The following CTNND2 variants were observed in gnomAD, a reference collection of about 807,000 sequenced individuals.
The protein encoded by CTNND2 is catenin delta 2, also known as catenin delta-2.
In CTNND2, 22 loss-of-function variants were observed where a neutral mutation model predicts 144.4. The observed-to-expected ratio is 0.15, with a 90% confidence interval of 0.11 to 0.22. The LOEUF (loss-of-function observed/expected upper bound fraction) is 0.22, where lower values mean the gene tolerates loss of function less well. Ranked by LOEUF, CTNND2 falls within the 10% of genes least tolerant of loss-of-function variation. The pLI, the probability that CTNND2 is intolerant of heterozygous loss-of-function variation, is 1.00. For missense variants in CTNND2, 1,353 were observed against 1,618.8 expected (o/e 0.84, Z 2.82); for synonymous variants, 751 against 695.6 (o/e 1.08, Z -1.25).
At chr5:11,128,938 TATTA>T (rs1755070978) in intron 12 of CTNND2, among the ~76,000 whole-genome samples, 1 of 53,894 alleles carries the variant, frequency 1.9e-5, no homozygotes, top group African/African-American at 6.2e-5. Flanking sequence ...TAAATATATA[TATTA>T]TATATAATAT....
chr5:11,485,844 T>A (rs1460795691), intron 3 of CTNND2, among the ~76,000 whole-genome samples: 1 of 152,156 alleles, frequency 6.6e-6, no homozygotes, highest in South Asian at 2.1e-4. Context: ...TAATCTTTCA[T>A]TGAGAAAGGT....
Position 11,081,250 on chromosome 5 carries a change from T to A in CTNND2, c.2788+1446A>T, listed in dbSNP as rs61757072. The stretch of plus-strand genomic sequence containing the variant: ...AGAACAGATTTTTTGAGATTTATTA[T>A]GCAACAAGGTGACTACAGTTAATAA... On this transcript the variant is annotated intron_variant, in intron 16 of 21. Transcript: ENST00000304623. 1.1e-3 allele frequency among the ~76,000 whole-genome samples: 169 copies of A among 152,272 alleles called. 2 individuals carry two copies. Among genetic ancestry groups the A allele is most frequent in the African/African-American group, 3.8e-3 (158 of 41,548 alleles).
chr5:11,643,687 C>T (rs1782191703), intron 2 of CTNND2, among the ~76,000 whole-genome samples: 1 of 152,096 alleles, frequency 6.6e-6, no homozygotes, highest in African/African-American at 2.4e-5. Flanking sequence ...TCTTACATAA[C>T]TGTAATTTAT....
At chr5:11,542,852 A>AGGCT (rs1351238481) in intron 3 of CTNND2, among the ~76,000 whole-genome samples, 3 of 152,344 alleles carry the variant, frequency 2.0e-5, no homozygotes, top group African/African-American at 4.8e-5. Flanking sequence ...CAGGAAAGGG[A>AGGCT]GGCTACACTT....
chr5:11,031,354 G>T (rs764866129), intron 16 of CTNND2, among the ~76,000 whole-genome samples: 7 of 152,096 alleles, frequency 4.6e-5, no homozygotes, highest in Non-Finnish European at 7.4e-5. Context: ...CTGCAAGTAA[G>T]CTGCTCTAGG....
intron 18 of CTNND2, among the ~76,000 whole-genome samples, chr5:10,994,646 CAGA>C (rs1739147418): frequency 6.6e-6 from 1 of 152,070 alleles, no homozygotes. Flanking sequence ...TCCCAGCCCA[CAGA>C]AGAACAGATG....
At chr5:11,606,923 A>G (rs2126359276) in intron 2 of CTNND2, among the ~76,000 whole-genome samples, 1 of 152,324 alleles carries the variant, frequency 6.6e-6, no homozygotes, top group East Asian at 1.9e-4. Flanking sequence ...ATGTGATTAT[A>G]TTTGAAAATA....
At chr5:11,824,087 GT>G (rs1793471229) in intron 1 of CTNND2, among the ~76,000 whole-genome samples, 1 of 122,206 alleles carries the variant, frequency 8.2e-6, no homozygotes, top group Non-Finnish European at 1.6e-5. Context: ...TGGCAACAGA[GT>G]GTCTCAAAAA....
At chr5:11,090,176 A>G (rs1475399909) in intron 15 of CTNND2, among the ~76,000 whole-genome samples, 1 of 152,174 alleles carries the variant, frequency 6.6e-6, no homozygotes, top group Non-Finnish European at 1.5e-5. Context: ...AGAACAGAAT[A>G]CTGAGGTGGC....
chr5:11,836,267 A>G (rs957497465), intron 1 of CTNND2, among the ~76,000 whole-genome samples: 6 of 152,224 alleles, frequency 3.9e-5, no homozygotes, highest in Admixed American at 2.0e-4. Flanking sequence ...ACTAGAAGAG[A>G]GTGCTAAAAT....
At position 11,629,893 on chromosome 5, in the gene CTNND2, G is replaced by T. The variant is rs10062030; in HGVS notation, c.175-64837C>A. Among the ~76,000 whole-genome samples the T allele has an allele frequency of 8.7e-3, 1,322 of 152,014 alleles. 29 individuals carry two copies. The highest frequency in any genetic ancestry group is 0.03 in the African/African-American group (1,247 of 41,444). On this transcript the variant is annotated intron_variant, in intron 2 of 21. Transcript: ENST00000304623. Reference sequence around the variant, plus strand: ...AATCAAATAGGCTATGATACGTCATGCTTTAATTGTTGAAAAAAATGCTAA... The same window carrying T: ...AATCAAATAGGCTATGATACGTCATTCTTTAATTGTTGAAAAAAATGCTAA...
chr5:10,975,731 G>T (rs1390960073), intron 21 of CTNND2, among the ~76,000 whole-genome samples: 3 of 152,206 alleles, frequency 2.0e-5, no homozygotes, highest in Middle Eastern at 3.2e-3. Flanking sequence ...AAGAGACCAA[G>T]AAGCGGTGTG....
chr5:11,325,280 A>AAC (rs761604069), intron 9 of CTNND2, among the ~76,000 whole-genome samples: 3 of 152,068 alleles, frequency 2.0e-5, no homozygotes, highest in Non-Finnish European at 4.4e-5. Flanking sequence ...TCATTAAACC[A>AAC]ACACACATAT....
chr5:11,536,852 T>A (rs1477069006), intron 3 of CTNND2, among the ~76,000 whole-genome samples: 1 of 152,140 alleles, frequency 6.6e-6, no homozygotes, highest in African/African-American at 2.4e-5. Context: ...CCAAACATCA[T>A]CTGCTCCCTA....
At chr5:11,673,058 A>C (rs1298910804) in intron 2 of CTNND2, among the ~76,000 whole-genome samples, 1 of 152,046 alleles carries the variant, frequency 6.6e-6, no homozygotes, top group African/African-American at 2.4e-5. Context: ...AACTAATATA[A>C]AGTCCACAAA....
chr5:11,541,851 G>T (rs74709056), intron 3 of CTNND2, among the ~76,000 whole-genome samples: 2 of 61,892 alleles, frequency 3.2e-5, no homozygotes, highest in African/African-American at 1.7e-4. Flanking sequence ...CCCCCCCCCC[G>T]GCCAAAAGCC....
At chr5:11,108,803 C>T (rs995181727) in intron 14 of CTNND2, among the ~76,000 whole-genome samples, 7 of 152,260 alleles carry the variant, frequency 4.6e-5, no homozygotes, top group Admixed American at 6.5e-5. Flanking sequence ...AGGACAATGT[C>T]CCGTCACCTC....
intron 1 of CTNND2, among the ~76,000 whole-genome samples, chr5:11,741,915 T>C (rs1054850170): frequency 5.9e-5 from 9 of 151,600 alleles, no homozygotes; most frequent in South Asian, 2.1e-4. Context: ...CTGGATGGAA[T>C]TGGAGCCAAT....
At chr5:10,982,344 C>T (rs1737393458) in intron 20 of CTNND2, among the ~76,000 whole-genome samples, 1 of 152,244 alleles carries the variant, frequency 6.6e-6, no homozygotes, top group Non-Finnish European at 1.5e-5. Context: ...GCCTGCATGT[C>T]CCCCATGTAT....
Sources: gnomAD v4.1 joint callset for allele counts (sites outside exome capture counted in the v4.1 genomes callset) on GRCh38, gnomAD v4.1.1 for gene constraint, MANE v1.5 for transcripts, NCBI Gene and HGNC (gene_info 2026-07-23, HGNC 2026-07-21) for gene names.